The following MIS18A variants were observed in gnomAD, a reference collection of about 807,000 sequenced individuals.
MIS18A encodes the protein MIS18 kinetochore protein A.
MIS18A carries 14 observed loss-of-function variants against 25.0 expected under a neutral mutation model. That is an observed-to-expected ratio of 0.56 (90% CI 0.37 to 0.88). MIS18A has a LOEUF of 0.88. Among genes scored for constraint, MIS18A ranks in the 40% least tolerant of loss-of-function variants. MIS18A has a pLI of 0.00. For missense variants in MIS18A, 292 were observed against 290.8 expected, an observed-to-expected ratio of 1.00 and a Z score of -0.03; for synonymous variants, 134 against 118.6, an observed-to-expected ratio of 1.13 and a Z score of -0.84.
chr21:32,244,600 G>C, the MIS18A span, among the ~76,000 whole-genome samples: 4 of 152,078 alleles, frequency 2.6e-5, no homozygotes, highest in South Asian at 2.1e-4. Flanking sequence ...AGCCAGGTGT[G>C]GGGGTGCATG....
chr21:32,255,285 C>T, the MIS18A span, among the ~76,000 whole-genome samples: 1,745 of 151,052 alleles, frequency 0.012, 34 homozygotes, highest in African/African-American at 0.04. Context: ...GGGTAGAGTG[C>T]GGTGATGTAA....
chr21:32,209,532 A>G, the MIS18A span, among the ~76,000 whole-genome samples: 2 of 152,214 alleles, frequency 1.3e-5, no homozygotes, highest in South Asian at 4.1e-4. Context: ...TAAAACTGGC[A>G]AAAACTGCAA....
chr21:32,233,408 C>T, the MIS18A span, among the ~76,000 whole-genome samples: 1 of 152,102 alleles, frequency 6.6e-6, no homozygotes, highest in African/African-American at 2.4e-5. Flanking sequence ...TGAGGGTTTG[C>T]CATTTTGTTG....
the MIS18A span, among the ~76,000 whole-genome samples, chr21:32,254,313 G>A: frequency 6.6e-5 from 10 of 152,162 alleles, no homozygotes; most frequent in Non-Finnish European, 1.2e-4. Context: ...GCAGAGGCAG[G>A]TGGATCACCT....
chr21:32,158,695 G>A, the MIS18A span, among the ~76,000 whole-genome samples: 41 of 152,030 alleles, frequency 2.7e-4, no homozygotes, highest in Admixed American at 6.5e-4. Context: ...GGCTGTTCTC[G>A]AACTCCTGAC....
chr21:32,220,434 A>G, the MIS18A span, among the ~76,000 whole-genome samples: 1 of 152,200 alleles, frequency 6.6e-6, no homozygotes, highest in Middle Eastern at 3.2e-3. Flanking sequence ...TAGCATCAAC[A>G]TCAACAAAAA....
At chr21:32,231,818 C>A in the MIS18A span, among the ~76,000 whole-genome samples, 1 of 151,986 alleles carries the variant, frequency 6.6e-6, no homozygotes, top group Non-Finnish European at 1.5e-5. Context: ...GAGGCTGAGG[C>A]GGGAGAATGG....
chr21:32,237,534 C>T, the MIS18A span, among the ~76,000 whole-genome samples: 1 of 152,088 alleles, frequency 6.6e-6, no homozygotes, highest in Admixed American at 6.5e-5. Flanking sequence ...ATCATTTAAG[C>T]TTCATTTGGA....
the MIS18A span, among the ~76,000 whole-genome samples, chr21:32,181,790 CAT>C: frequency 6.6e-6 from 1 of 152,124 alleles, no homozygotes; most frequent in African/African-American, 2.4e-5. Flanking sequence ...GGATCTGAGA[CAT>C]GTGTTTGCCC....
the MIS18A span, among the ~76,000 whole-genome samples, chr21:32,207,759 A>C: frequency 6.6e-6 from 1 of 152,220 alleles, no homozygotes; most frequent in Non-Finnish European, 1.5e-5. Context: ...TACCAAGTTC[A>C]CCAAACATCT....
chr21:32,196,459 CTTT>C, the MIS18A span, among the ~76,000 whole-genome samples: 136 of 130,978 alleles, frequency 1.0e-3, 1 homozygote, highest in Admixed American at 1.2e-3. Flanking sequence ...GAGCTAATGT[CTTT>C]TTTTTTTTTT....
chr21:32,252,397 G>A, the MIS18A span, among the ~76,000 whole-genome samples: 1 of 144,266 alleles, frequency 6.9e-6, no homozygotes, highest in Admixed American at 7.1e-5. Context: ...AAGAAAGAAG[G>A]AGAAGAAAAG....
At chr21:32,250,773 C>T in the MIS18A span, among the ~76,000 whole-genome samples, 15 of 152,212 alleles carry the variant, frequency 9.9e-5, no homozygotes, top group African/African-American at 3.1e-4. Flanking sequence ...CCAATAGAAT[C>T]GTGAGCCCTG....
the MIS18A span, among the ~76,000 whole-genome samples, chr21:32,205,628 T>C: frequency 1.3e-5 from 2 of 152,140 alleles, no homozygotes; most frequent in Non-Finnish European, 2.9e-5. Flanking sequence ...CTTGGCCATC[T>C]AAAATAAGAA....
chr21:32,213,765 T>C, the MIS18A span, among the ~76,000 whole-genome samples: 1 of 152,182 alleles, frequency 6.6e-6, no homozygotes, highest in Non-Finnish European at 1.5e-5. Context: ...GCAAGTCTTG[T>C]TCCTTCTGGA....
chr21:32,244,996 G>T, the MIS18A span, among the ~76,000 whole-genome samples: 23 of 152,244 alleles, frequency 1.5e-4, no homozygotes, highest in East Asian at 3.9e-3. Context: ...AGGAAAAAAT[G>T]GACTGTTCAC....
the MIS18A span, among the ~76,000 whole-genome samples, chr21:32,164,926 C>CTCTGATAAAGCATGGTCACTACTACATA: frequency 1.3e-5 from 2 of 152,154 alleles, no homozygotes; most frequent in South Asian, 4.1e-4. Context: ...TTAAAAATAG[C>CTCTGATAAAGCATGGTCACTACTACATA]TCTGATAAAG....
chr21:32,275,480 A>C (rs1041845193), intron 1 of MIS18A, among the ~76,000 whole-genome samples: 2 of 152,190 alleles, frequency 1.3e-5, no homozygotes, highest in Admixed American at 1.3e-4. Context: ...AAAGTAACTG[A>C]GAGGGTCCTC....
chr21:32,217,110 C>A, the MIS18A span, among the ~76,000 whole-genome samples: 1 of 151,794 alleles, frequency 6.6e-6, no homozygotes, highest in Non-Finnish European at 1.5e-5. Flanking sequence ...AAGTATGACC[C>A]ATACAGGCTG....
Sources: gnomAD v4.1 joint callset for allele counts (sites outside exome capture counted in the v4.1 genomes callset) on GRCh38, gnomAD v4.1.1 for gene constraint, MANE v1.5 for transcripts, NCBI Gene and HGNC (gene_info 2026-07-23, HGNC 2026-07-21) for gene names.